VASN: variants seen among roughly 807,000 people sequenced by gnomAD.
The protein encoded by VASN is protein slit-like 2.
Under a neutral mutation model 4.8 loss-of-function variants are expected in VASN, and 5 were observed. That is an observed-to-expected ratio of 1.03 (90% CI 0.54 to 2.17). VASN has a LOEUF of 2.17. VASN is among the 30% of genes most tolerant of loss of function. The pLI, the probability that VASN is intolerant of heterozygous loss-of-function variation, is 0.01. For synonymous variants in VASN, 499 were observed against 460.8 expected (o/e 1.08, Z -1.06); for missense variants, 927 against 948.8 (o/e 0.98, Z 0.30).
At chr16:4,378,684 C>A (rs886761036) in intron 1 of VASN, among the ~76,000 whole-genome samples, 1 of 152,048 alleles carries the variant, frequency 6.6e-6, no homozygotes, top group Non-Finnish European at 1.5e-5. Context: ...TAACTTCTTC[C>A]AGTGCTCAGT....
intron 1 of VASN, among the ~76,000 whole-genome samples, chr16:4,376,043 T>C (rs1405050743): frequency 6.6e-6 from 1 of 152,186 alleles, no homozygotes; most frequent in Non-Finnish European, 1.5e-5. Flanking sequence ...AGAAAGAGGC[T>C]GACACCCATG....
At chr16:4,376,702 C>G (rs1388905398) in intron 1 of VASN, among the ~76,000 whole-genome samples, 1 of 152,106 alleles carries the variant, frequency 6.6e-6, no homozygotes, top group Non-Finnish European at 1.5e-5. Flanking sequence ...GTTGAGATGA[C>G]GAGTGCCTTG....
chr16:4,382,451 T>C lies in VASN; in HGVS notation c.1574T>C (p.Leu525Pro), dbSNP rs977063873. 6.2e-7 allele frequency: 1 copy of C among 1,609,458 alleles called. No homozygotes were observed. Among genetic ancestry groups the C allele is most frequent in the Non-Finnish European group, 8.5e-7 (1 of 1,178,390 alleles). Residue 525 changes from leucine (L) to proline (P), a missense_variant, in exon 2 of 2, where the codon CTG becomes CCG. Transcript: ENST00000304735. ...ASLAEYTVTQ[L>P]RPNATYSVCV... The stretch of plus-strand genomic sequence containing the variant: ...CTCGCTGAGTACACGGTCACCCAGC[T>C]GCGGCCCAACGCCACTTACTCCGTC...
Position 4,382,645 on chromosome 16 carries a change from CTGGCTGCGG to C in VASN, c.1772_1780del (p.Ala591_Val593del), listed in dbSNP as rs771506205. 3.2e-6 allele frequency: 5 copies of C among 1,557,090 alleles called. No homozygotes were observed. The South Asian group carries it at 4.7e-5, about 15-fold the overall frequency. ...CCTGGCCGCGGTGCTCCTGGCCGCGCTGGCTGCGGTGGGGGCAGCCTACTGTGTGCGGCG... is the reference window on the plus strand; with the variant it reads ...CCTGGCCGCGGTGCTCCTGGCCGCGCTGGGGGCAGCCTACTGTGTGCGGCG... On this transcript the variant is annotated inframe_deletion, in exon 2 of 2. Coordinates refer to ENST00000304735, the MANE Select transcript of VASN (RefSeq NM_138440.3).
At position 4,382,851 on chromosome 16, in the gene VASN, C is replaced by A. The variant is rs1250391261; in HGVS notation, c.1974C>A (p.Phe658Leu). Residue 658 changes from phenylalanine to leucine, a missense_variant, in exon 2 of 2, where the codon TTC (phenylalanine) becomes TTA (leucine). Coordinates refer to ENST00000304735, the MANE Select transcript of VASN (RefSeq NM_138440.3). ...GSECEVPLMGFPGPGLQSPLH... is the reference protein window; with the variant it reads ...GSECEVPLMGLPGPGLQSPLH... ...AGTGTGAGGTGCCACTCATGGGCTTCCCAGGGCCTGGCCTCCAGTCACCCC... is the reference window on the plus strand; with the variant it reads ...AGTGTGAGGTGCCACTCATGGGCTTACCAGGGCCTGGCCTCCAGTCACCCC... 6.3e-7 allele frequency: 1 copy of A among 1,585,488 alleles called. No homozygotes were observed. The highest frequency in any genetic ancestry group is 2.3e-5 in the East Asian group (1 of 43,906).
At chr16:4,372,737 G>A (rs1329135132) in intron 1 of VASN, among the ~76,000 whole-genome samples, 29 of 152,178 alleles carry the variant, frequency 1.9e-4, no homozygotes, top group Admixed American at 1.8e-3. Context: ...CAGCCGATTG[G>A]TGCCAACCAT....
Position 4,382,842 on chromosome 16 carries a change from C to A in VASN, c.1965C>A (p.Leu655=). 6 of 1,594,238 alleles carry A rather than the reference C, an allele frequency of 3.8e-6. No individual in the cohort carries two copies. Among genetic ancestry groups the A allele is most frequent in the Non-Finnish European group, 5.1e-6 (6 of 1,171,630 alleles). The change falls in exon 2 of 2, where the codon CTC becomes CTA. Residue 655 remains leucine, a synonymous_variant. Coordinates refer to ENST00000304735, the MANE Select transcript of VASN (RefSeq NM_138440.3). ...LPSGSECEVP[L]MGFPGPGLQS... ...GCGGGTCTGAGTGTGAGGTGCCACTCATGGGCTTCCCAGGGCCTGGCCTCC... is the reference window on the plus strand; with the variant it reads ...GCGGGTCTGAGTGTGAGGTGCCACTAATGGGCTTCCCAGGGCCTGGCCTCC...
At chr16:4,373,367 T>C (rs4786485) in intron 1 of VASN, among the ~76,000 whole-genome samples, 117,374 of 152,064 alleles carry the variant, frequency 0.77, 45,561 homozygotes, top group East Asian at 0.81. Flanking sequence ...ACCCCGCCCC[T>C]GTCTCCTGCA....
intron 1 of VASN, among the ~76,000 whole-genome samples, chr16:4,379,942 C>T (rs2054893060): frequency 6.7e-6 from 1 of 149,076 alleles, no homozygotes; most frequent in African/African-American, 2.5e-5. Flanking sequence ...CCTGTAGTCC[C>T]AGCTACATGG....
intron 1 of VASN, among the ~76,000 whole-genome samples, chr16:4,377,833 G>A (rs921395892): frequency 6.6e-6 from 1 of 152,186 alleles, no homozygotes; most frequent in African/African-American, 2.4e-5. Flanking sequence ...CACATTTTAC[G>A]GGGCTGGGAA....
At position 4,382,173 on chromosome 16, in the gene VASN, C is replaced by T. The variant is rs1372155836; in HGVS notation, c.1296C>T (p.Cys432=). 5.0e-6 allele frequency: 8 copies of T among 1,595,044 alleles called. No homozygotes were observed. Among genetic ancestry groups the T allele is most frequent in the Middle Eastern group, 3.3e-4 (2 of 6,036 alleles). ...LGTRHHLACL[C]PEGFTGLYCE... The stretch of plus-strand genomic sequence containing the variant: ...CACGGCACCACCTGGCGTGCTTGTG[C>T]CCCGAAGGCTTCACGGGCCTGTACT... Residue 432 remains cysteine, a synonymous_variant, in exon 2 of 2, where the codon TGC becomes TGT. Coordinates refer to ENST00000304735, the MANE Select transcript of VASN (RefSeq NM_138440.3).
At chr16:4,376,929 C>G (rs1040641858) in intron 1 of VASN, among the ~76,000 whole-genome samples, 1 of 152,198 alleles carries the variant, frequency 6.6e-6, no homozygotes, top group Admixed American at 6.5e-5. Flanking sequence ...AGGGGGCAGG[C>G]AGAGTTCTGC....
At chr16:4,379,088 T>TA (rs767064530) in intron 1 of VASN, among the ~76,000 whole-genome samples, 22 of 151,962 alleles carry the variant, frequency 1.4e-4, no homozygotes, top group Non-Finnish European at 2.9e-4. Flanking sequence ...GGAACCCACG[T>TA]ACCTGGGGGA....
At position 4,381,265 on chromosome 16, in the gene VASN, T is replaced by C. The variant is rs781736852; in HGVS notation, c.388T>C (p.Tyr130His). Residue 130 changes from tyrosine (Y) to histidine (H), a missense_variant, in exon 2 of 2, where the codon TAC (tyrosine) becomes CAC (histidine). Tyr to His is a moderately conservative substitution (Grantham distance 83, BLOSUM62 2). Transcript: ENST00000304735. ...FRGLRRLERL[Y>H]LGKNRIRHIQ... ...TGGCCTGCGGCGCCTCGAGCGCCTC[T>C]ACCTGGGCAAGAACCGCATCCGCCA... The C allele has an allele frequency of 6.2e-7, 1 of 1,611,844 alleles. No individual in the cohort carries two copies. The highest frequency in any genetic ancestry group is 2.2e-5 in the East Asian group (1 of 44,790).
intron 1 of VASN, among the ~76,000 whole-genome samples, chr16:4,377,505 A>G (rs2054784540): frequency 6.6e-6 from 1 of 152,196 alleles, no homozygotes. Context: ...ACAGAACAAC[A>G]GAAAACTACA....
intron 1 of VASN, among the ~76,000 whole-genome samples, chr16:4,378,247 T>C (rs1386146589): frequency 1.3e-5 from 2 of 152,158 alleles, no homozygotes; most frequent in Non-Finnish European, 1.5e-5. Flanking sequence ...GCCTCACAGC[T>C]TGGACACCTC....
intron 1 of VASN, among the ~76,000 whole-genome samples, chr16:4,374,260 C>CGGTGGA (rs1046571320): frequency 6.6e-6 from 1 of 152,150 alleles, no homozygotes; most frequent in Non-Finnish European, 1.5e-5. Flanking sequence ...TTCCTTTTAT[C>CGGTGGA]GGTTTCCACA....
chr16:4,376,789 C>A (rs2054747685), intron 1 of VASN, among the ~76,000 whole-genome samples: 1 of 152,154 alleles, frequency 6.6e-6, no homozygotes, highest in Non-Finnish European at 1.5e-5. Flanking sequence ...CCACCACGTG[C>A]CCCCTTCCAG....
At chr16:4,376,337 C>T (rs1022351226) in intron 1 of VASN, among the ~76,000 whole-genome samples, 5 of 152,190 alleles carry the variant, frequency 3.3e-5, no homozygotes, top group East Asian at 1.9e-4. Context: ...GGCAGACTCC[C>T]GGGGCTGGGC....
Sources: allele counts gnomAD v4.1 joint callset (sites outside exome capture counted in the v4.1 genomes callset), GRCh38; gene constraint gnomAD v4.1.1; transcripts MANE v1.5; gene names NCBI Gene and HGNC (gene_info 2026-07-23, HGNC 2026-07-21).